The following CNTN1 variants were observed in gnomAD, a reference collection of about 807,000 sequenced individuals.
The protein encoded by CNTN1 is contactin 1.
A neutral mutation model predicts 126.4 loss-of-function variants in CNTN1; 38 were observed. That is an observed-to-expected ratio of 0.30 (90% confidence interval 0.23 to 0.39). The LOEUF (loss-of-function observed/expected upper bound fraction) is 0.39, where lower values mean the gene tolerates loss of function less well. CNTN1 is among the 10% of genes least tolerant of loss of function. The pLI is 1.00. For synonymous variants in CNTN1, 413 were observed against 422.6 expected (o/e 0.98, Z 0.28); for missense variants, 1,009 against 1,248.4 (o/e 0.81, Z 2.89).
At chr12:40,921,984 C>T (rs1945458514) in intron 4 of CNTN1, among the ~76,000 whole-genome samples, 1 of 152,032 alleles carries the variant, frequency 6.6e-6, no homozygotes, top group African/African-American at 2.4e-5. Context: ...GAGAAAAACT[C>T]AACAAAATAT....
intron 15 of CNTN1, among the ~76,000 whole-genome samples, chr12:40,963,596 A>C: frequency 6.6e-6 from 1 of 151,948 alleles, no homozygotes; most frequent in Non-Finnish European, 1.5e-5. Flanking sequence ...TAAAATGTTA[A>C]TATTTAAAGG....
chr12:40,804,896 G>T (rs947454437), intron 1 of CNTN1, among the ~76,000 whole-genome samples: 1 of 151,566 alleles, frequency 6.6e-6, no homozygotes, highest in East Asian at 1.9e-4. Flanking sequence ...CTGCATTTTT[G>T]AAAGATTTTC....
intron 1 of CNTN1, among the ~76,000 whole-genome samples, chr12:40,896,670 C>G (rs1334534349): frequency 6.6e-6 from 1 of 152,226 alleles, no homozygotes; most frequent in Non-Finnish European, 1.5e-5. Flanking sequence ...TACTTTCTTT[C>G]CTCAACCTTT....
chr12:40,979,640 A>T (rs1193811382), intron 15 of CNTN1, among the ~76,000 whole-genome samples: 1 of 152,162 alleles, frequency 6.6e-6, no homozygotes, highest in African/African-American at 2.4e-5. Flanking sequence ...AAATGTCTAT[A>T]CTAGGAGCTG....
chr12:40,771,237 A>C (rs1939324660), intron 1 of CNTN1, among the ~76,000 whole-genome samples: 1 of 152,128 alleles, frequency 6.6e-6, no homozygotes, highest in South Asian at 2.1e-4. Context: ...GATCACACTC[A>C]GAGAGTATTA....
At chr12:40,856,168 T>C (rs963982703) in intron 1 of CNTN1, among the ~76,000 whole-genome samples, 2 of 152,074 alleles carry the variant, frequency 1.3e-5, no homozygotes, top group Non-Finnish European at 2.9e-5. Context: ...CTTAAGTTAA[T>C]TATCTAAAAT....
At chr12:41,037,043 T>C (rs988417438) in intron 23 of CNTN1, among the ~76,000 whole-genome samples, 6 of 152,208 alleles carry the variant, frequency 3.9e-5, no homozygotes, top group African/African-American at 1.2e-4. Context: ...ATGCCCTTTC[T>C]ATGTTTCATG....
At chr12:40,728,410 A>G (rs1345935180) in intron 1 of CNTN1, among the ~76,000 whole-genome samples, 2 of 152,168 alleles carry the variant, frequency 1.3e-5, no homozygotes, top group Non-Finnish European at 2.9e-5. Context: ...GGGGAAGGGT[A>G]GAGGACCTAA....
chr12:40,744,626 A>G (rs2136387357), intron 1 of CNTN1, among the ~76,000 whole-genome samples: 1 of 152,294 alleles, frequency 6.6e-6, no homozygotes, highest in South Asian at 2.1e-4. Flanking sequence ...GAAACTTAGA[A>G]TAGAAGTAGT....
chr12:40,936,298 C>T (rs1370354737), intron 9 of CNTN1, among the ~76,000 whole-genome samples: 3 of 151,860 alleles, frequency 2.0e-5, no homozygotes, highest in South Asian at 2.1e-4. Flanking sequence ...ATTTTTCTAG[C>T]GCCAAAGTGA....
intron 15 of CNTN1, chr12:40,972,748 T>C: frequency 1.4e-6 from 1 of 714,278 alleles, no homozygotes; most frequent in Non-Finnish European, 1.7e-6. Context: ...TTAAAATCAA[T>C]TTGAGAATTT....
chr12:40,917,048 C>G (rs1162024720), intron 3 of CNTN1, among the ~76,000 whole-genome samples: 2 of 29,196 alleles, frequency 6.9e-5, no homozygotes, highest in African/African-American at 5.0e-4. Flanking sequence ...ATTCTTCATA[C>G]CAGTGGTGGG....
intron 1 of CNTN1, among the ~76,000 whole-genome samples, chr12:40,877,270 C>T (rs1943699727): frequency 1.3e-5 from 2 of 152,130 alleles, no homozygotes; most frequent in Admixed American, 1.3e-4. Context: ...CCTTGAATTG[C>T]ATTTAATAAC....
At chr12:40,842,974 C>T (rs979886546) in intron 1 of CNTN1, among the ~76,000 whole-genome samples, 3 of 152,098 alleles carry the variant, frequency 2.0e-5, no homozygotes, top group South Asian at 2.1e-4. Flanking sequence ...ATACCACATA[C>T]CTGAAGGCTG....
intron 1 of CNTN1, among the ~76,000 whole-genome samples, chr12:40,708,939 T>C (rs1470233238): frequency 5.3e-5 from 8 of 152,202 alleles, no homozygotes; most frequent in Non-Finnish European, 8.8e-5. Flanking sequence ...ACTCCTCAAA[T>C]TCAACTTCTT....
At chr12:40,767,383 A>G (rs1363436535) in intron 1 of CNTN1, among the ~76,000 whole-genome samples, 3 of 126,546 alleles carry the variant, frequency 2.4e-5, no homozygotes, top group Non-Finnish European at 4.6e-5. Flanking sequence ...ATCTCGGCTC[A>G]CTGCAAGCTC....
intron 17 of CNTN1, among the ~76,000 whole-genome samples, chr12:40,997,149 T>G (rs937778360): frequency 2.0e-5 from 3 of 152,240 alleles, no homozygotes; most frequent in African/African-American, 7.2e-5. Context: ...TGTAATTCAT[T>G]TTAACCCATT....
intron 1 of CNTN1, among the ~76,000 whole-genome samples, chr12:40,801,912 A>G (rs1487074582): frequency 6.6e-6 from 1 of 151,774 alleles, no homozygotes. Context: ...AGTCTAAGCA[A>G]GAGATAGATT....
At chr12:40,812,955 T>C (rs1044019954) in intron 1 of CNTN1, among the ~76,000 whole-genome samples, 1 of 151,680 alleles carries the variant, frequency 6.6e-6, no homozygotes, top group Admixed American at 6.6e-5. Context: ...TTTTTTTTTT[T>C]TTTTGGTTGT....
Sources: gnomAD v4.1 joint callset for allele counts (sites outside exome capture counted in the v4.1 genomes callset) on GRCh38, gnomAD v4.1.1 for gene constraint, MANE v1.5 for transcripts, NCBI Gene and HGNC (gene_info 2026-07-23, HGNC 2026-07-21) for gene names.